Variants in CACNA1E observed in about 807,000 individuals in gnomAD.
CACNA1E encodes calcium voltage-gated channel subunit alpha1 E.
CACNA1E carries 40 observed loss-of-function variants against 259.2 expected under a neutral mutation model. That is an observed-to-expected ratio of 0.15 (90% CI 0.12 to 0.20). The LOEUF is 0.20. Ranked by LOEUF, CACNA1E falls within the 10% of genes least tolerant of loss-of-function variation. The pLI is 1.00. For missense variants in CACNA1E, 1,874 were observed against 3,040.1 expected, an observed-to-expected ratio of 0.62 and a Z score of 9.02; for synonymous variants, 1,104 against 1,138.5, an observed-to-expected ratio of 0.97 and a Z score of 0.61.
At chr1:181,509,797 C>G (rs1046461930) in intron 1 of CACNA1E, among the ~76,000 whole-genome samples, 1 of 152,166 alleles carries the variant, frequency 6.6e-6, no homozygotes, top group East Asian at 1.9e-4. Flanking sequence ...ATTCCAGACT[C>G]GTGATCAGTC....
At chr1:181,666,418 T>C (rs1648232781) in intron 7 of CACNA1E, among the ~76,000 whole-genome samples, 1 of 152,108 alleles carries the variant, frequency 6.6e-6, no homozygotes, top group African/African-American at 2.4e-5. Flanking sequence ...AGGACATATA[T>C]TCTGATTTAG....
chr1:181,748,948 G>A (rs1016575655), intron 25 of CACNA1E, among the ~76,000 whole-genome samples: 1 of 152,154 alleles, frequency 6.6e-6, no homozygotes, highest in African/African-American at 2.4e-5. Flanking sequence ...CATATGCCCT[G>A]TCTTATATGT....
In CACNA1E at chr1:181,424,146, A is replaced by C. The variant is rs914354904; in HGVS notation, c.434+10566A>C. Among the ~76,000 whole-genome samples the C allele has an allele frequency of 2.0e-5, 3 of 152,354 alleles. No homozygotes were observed. The South Asian group carries it at 6.2e-4, about 32-fold the overall frequency. On this transcript the variant is annotated intron_variant, in intron 2 of 11. Transcript: ENST00000524607. ...TCATGAGCCTTCAACACACTGGGTT[A>C]TCACTAACCAACAGCAAGTTTGAAA...
chr1:181,531,007 A>C (rs1203886642), intron 3 of CACNA1E, among the ~76,000 whole-genome samples: 1 of 152,232 alleles, frequency 6.6e-6, no homozygotes, highest in Non-Finnish European at 1.5e-5. Flanking sequence ...ATCAAAGTAC[A>C]TCTACATCTA....
rs1662283093 is a variant in CACNA1E at position 181,801,616 on chromosome 1, C to G, written c.*2782C>G. On this transcript the variant is annotated 3_prime_UTR_variant, in exon 48 of 48. Transcript: ENST00000367573. ...TGTTTGGTGTTCTGCTGCCTCTGAA[C>G]AAAAGTGAATGCCAGCCTTCCCTTG... 6.6e-6 allele frequency: 1 copy of G among 152,196 alleles called. No homozygotes were observed. The highest frequency in any genetic ancestry group is 2.4e-5 in the African/African-American group (1 of 41,452). The allele number at this position is 152,196 out of a possible 1,614,324, so 9.4% of individuals were successfully genotyped here.
Position 181,803,981 on chromosome 1 carries a change from C to T in CACNA1E, c.*5147C>T, listed in dbSNP as rs766465302. 1.2e-4 allele frequency: 18 copies of T among 152,186 alleles called. No homozygotes were observed. The highest frequency in any genetic ancestry group is 3.6e-4 in the African/African-American group (15 of 41,426). 9.4% of individuals were successfully genotyped at this position (152,186 alleles called of 1,614,324 possible). ...TGCTTTCTTCCACCCACCCTCTCTC[C>T]GCATGCTGTAAGTTAGGGGAGTTAG... is the stretch of plus-strand genomic sequence containing the variant. On this transcript the variant is annotated 3_prime_UTR_variant, in exon 48 of 48. Coordinates refer to ENST00000367573, the MANE Select transcript of CACNA1E (RefSeq NM_001205293.3).
intron 6 of CACNA1E, among the ~76,000 whole-genome samples, chr1:181,642,928 A>G (rs1657929398): frequency 6.9e-6 from 1 of 144,552 alleles, no homozygotes; most frequent in Admixed American, 6.7e-5. Context: ...CTAAAACAAC[A>G]CTTTGTTATT....
intron 22 of CACNA1E, among the ~76,000 whole-genome samples, chr1:181,737,285 G>A (rs377258801): frequency 3.3e-5 from 5 of 152,192 alleles, no homozygotes; most frequent in African/African-American, 7.2e-5. Flanking sequence ...TGGCTCAGAC[G>A]TGTCTGTGGA....
intron 1 of CACNA1E, among the ~76,000 whole-genome samples, chr1:181,351,096 C>A (rs1653009262): frequency 6.6e-6 from 1 of 152,116 alleles, no homozygotes; most frequent in Admixed American, 6.5e-5. Flanking sequence ...AGGTTTAGAC[C>A]AAAGAAGGAG....
intron 17 of CACNA1E, among the ~76,000 whole-genome samples, chr1:181,725,463 AT>A (rs1185472351): frequency 6.6e-6 from 1 of 152,260 alleles, no homozygotes; most frequent in Non-Finnish European, 1.5e-5. Flanking sequence ...TGTGAAAACC[AT>A]AGCATGCTCT....
At chr1:181,402,637 A>C (rs1657184084) in intron 1 of CACNA1E, among the ~76,000 whole-genome samples, 1 of 152,166 alleles carries the variant, frequency 6.6e-6, no homozygotes, top group Admixed American at 6.5e-5. Flanking sequence ...CTTCCTCTAC[A>C]TGGACCTGCA....
intron 1 of CACNA1E, among the ~76,000 whole-genome samples, chr1:181,338,502 C>CTTTTTTT (rs1651890085): frequency 1.4e-5 from 1 of 73,670 alleles, no homozygotes; most frequent in African/African-American, 7.2e-5. Context: ...GTCATTTACC[C>CTTTTTTT]ATTTTTTTTT....
chr1:181,761,458 A>G (rs935217242), intron 32 of CACNA1E, among the ~76,000 whole-genome samples: 1 of 152,234 alleles, frequency 6.6e-6, no homozygotes, highest in African/African-American at 2.4e-5. Flanking sequence ...TAGGAATTCA[A>G]TGATGCTAGT....
intron 6 of CACNA1E, among the ~76,000 whole-genome samples, chr1:181,629,531 A>G (rs1656500496): frequency 6.6e-6 from 1 of 152,188 alleles, no homozygotes; most frequent in African/African-American, 2.4e-5. Context: ...CTCATATTTG[A>G]CTTAGTAACA....
chr1:181,334,761 G>A (rs1651561648), intron 1 of CACNA1E, among the ~76,000 whole-genome samples: 1 of 152,204 alleles, frequency 6.6e-6, no homozygotes. Flanking sequence ...CCTACCTGGA[G>A]TGTGTTCTCA....
Position 181,318,615 on chromosome 1 carries a change from C to G in CACNA1E, c.-15+492C>G, listed in dbSNP as rs143146456. ...ATGCCTCCGGGCGCGGGCGGCTCAG[C>G]AGGTCCCCGGCTTCGGGAAGTTTTG... On this transcript the variant is annotated intron_variant, in intron 1 of 11. Coordinates refer to the CACNA1E transcript ENST00000524607. Among the ~76,000 whole-genome samples, 179 of 152,298 alleles carry G rather than the reference C, an allele frequency of 1.2e-3. 6 individuals carry two copies. In the East Asian group the frequency reaches 0.028, roughly 24 times the overall value.
At chr1:181,726,191 C>T (rs750953902) in intron 18 of CACNA1E, 29 bp downstream of exon 18, 2 of 1,504,438 alleles carry the variant, frequency 1.3e-6, no homozygotes, top group Non-Finnish European at 1.8e-6. Context: ...TCACTGATCC[C>T]TGAGCTCCTG....
At chr1:181,523,849 C>T (rs1443549883) in intron 3 of CACNA1E, among the ~76,000 whole-genome samples, 1 of 152,242 alleles carries the variant, frequency 6.6e-6, no homozygotes, top group Admixed American at 6.5e-5. Flanking sequence ...AGCTGGTCTT[C>T]AGTCTTGTGT....
intron 6 of CACNA1E, among the ~76,000 whole-genome samples, chr1:181,617,449 C>A (rs1655327980): frequency 6.6e-6 from 1 of 152,154 alleles, no homozygotes; most frequent in Non-Finnish European, 1.5e-5. Flanking sequence ...GGACAGAGAT[C>A]ATCAGGAATC....
Sources: gnomAD v4.1 joint callset for allele counts (sites outside exome capture counted in the v4.1 genomes callset) on GRCh38, gnomAD v4.1.1 for gene constraint, MANE v1.5 for transcripts, NCBI Gene and HGNC (gene_info 2026-07-23, HGNC 2026-07-21) for gene names.